The following MYBPC1 variants were observed in gnomAD, a reference collection of about 807,000 sequenced individuals.
MYBPC1 encodes myosin binding protein C1, also known as myosin-binding protein C, slow-type.
A neutral mutation model predicts 147.1 loss-of-function variants in MYBPC1; 52 were observed. The ratio of observed to expected loss-of-function variants is 0.35; its 90% CI spans 0.28 to 0.45. The LOEUF (loss-of-function observed/expected upper bound fraction) is 0.45. Among genes scored for constraint, MYBPC1 ranks in the 20% least tolerant of loss-of-function variants. The probability of loss-of-function intolerance (pLI) is 1.00; values close to 1 mark genes in which losing one functional copy is unlikely to be tolerated. For missense variants in MYBPC1, 1,228 were observed against 1,440.3 expected (o/e 0.85, Z 2.39); for synonymous variants, 477 against 475.9 (o/e 1.00, Z -0.03).
intron 27 of MYBPC1, 45 bp from the exon 28 acceptor site, chr12:101,678,057 G>A: frequency 6.3e-7 from 1 of 1,590,814 alleles, no homozygotes; most frequent in South Asian, 1.1e-5. Context: ...ATATTCTCAG[G>A]CCAATTTACA....
At position 101,644,812 on chromosome 12, in the gene MYBPC1, A is replaced by C; in HGVS notation, c.965+16A>C. Reference sequence around the variant, plus strand: ...CCAGTACCAAGTAAGTGGGCTTTGCAAAAATCAGTGATAGCTCTACAGTAA... The same window carrying C: ...CCAGTACCAAGTAAGTGGGCTTTGCCAAAATCAGTGATAGCTCTACAGTAA... On this transcript the variant is annotated intron_variant, in intron 12 of 31. Transcript: ENST00000361466. 1 of 1,612,112 alleles carries C rather than the reference A, an allele frequency of 6.2e-7. No individual in the cohort carries two copies. The highest frequency in any genetic ancestry group is 8.5e-7 in the Non-Finnish European group (1 of 1,178,374).
intron 30 of MYBPC1, among the ~76,000 whole-genome samples, chr12:101,683,597 T>G (rs1360879541): frequency 6.6e-6 from 1 of 152,138 alleles, no homozygotes; most frequent in African/African-American, 2.4e-5. Context: ...AATTCCAGGC[T>G]CTATTACAAA....
chr12:101,613,676 G>T (rs563299627), intron 1 of MYBPC1, among the ~76,000 whole-genome samples: 1 of 152,160 alleles, frequency 6.6e-6, no homozygotes, highest in Non-Finnish European at 1.5e-5. Context: ...AAGTTTCTTT[G>T]TCAGACTTCA....
intron 1 of MYBPC1, among the ~76,000 whole-genome samples, chr12:101,609,171 GA>G (rs1201416927): frequency 3.3e-5 from 5 of 152,166 alleles, no homozygotes; most frequent in African/African-American, 1.2e-4. Flanking sequence ...TTTGAAAAGG[GA>G]GTGGAACGGG....
chr12:101,652,543 TCTTTC>T, intron 16 of MYBPC1, 130 bp from the exon 17 acceptor site: 3 of 677,128 alleles, frequency 4.4e-6, no homozygotes, highest in East Asian at 2.8e-5. Flanking sequence ...TCTCTCTCTC[TCTTTC>T]TCTCTCTCTC....
At chr12:101,600,069 A>G (rs1208220429) in intron 1 of MYBPC1, among the ~76,000 whole-genome samples, 1 of 152,192 alleles carries the variant, frequency 6.6e-6, no homozygotes, top group Non-Finnish European at 1.5e-5. Flanking sequence ...CTTTGGAAAA[A>G]CAAGTTGTAT....
Position 101,659,709 on chromosome 12 carries a change from C to G in MYBPC1, c.1805C>G (p.Ser602Cys). 3 of 1,614,130 alleles carry G rather than the reference C, an allele frequency of 1.9e-6. No individual in the cohort carries two copies. The highest frequency in any genetic ancestry group is 2.5e-6 in the Non-Finnish European group (3 of 1,180,002). The change falls in exon 19 of 32, where the codon TCT (serine) becomes TGT (cysteine). Residue 602 changes from serine to cysteine, a missense_variant. Physicochemically the swap from Ser to Cys is moderately radical, Grantham distance 112. Coordinates refer to ENST00000361466, the MANE Select transcript of MYBPC1 (RefSeq NM_002465.4). ...GGCAGTGGCCGGATAAGAACAGAAT[C>G]TTACCCTGATAGCAGCACTCTGGTC... ...MEGSGRIRTE[S>C]YPDSSTLVID...
At position 101,685,887 on chromosome 12, in the gene MYBPC1, T is replaced by C. The variant is rs896904636; in HGVS notation, c.*325T>C. ...AAAATCTCATTTGAAGTCAGCACTT[T>C]GGTCATTATTATCTCTGCTCACTGT... On this transcript the variant is annotated 3_prime_UTR_variant, in exon 32 of 32. Coordinates refer to ENST00000361466, the MANE Select transcript of MYBPC1 (RefSeq NM_002465.4). The C allele has an allele frequency of 6.4e-6, 3 of 470,914 alleles. No individual in the cohort carries two copies. Among genetic ancestry groups the C allele is most frequent in the Middle Eastern group, 5.9e-4 (1 of 1,688 alleles). 29.2% of individuals were successfully genotyped at this position (470,914 alleles called of 1,614,324 possible). A position where few individuals can be genotyped will look rare whatever the true frequency, so the allele number is the denominator to read the frequency against.
At chr12:101,662,567 CTT>C in intron 21 of MYBPC1, 21 bp downstream of exon 21, 1 of 1,611,692 alleles carries the variant, frequency 6.2e-7, no homozygotes, top group Non-Finnish European at 8.5e-7. Context: ...AGAGATGAGT[CTT>C]TGTCATCAGA....
In MYBPC1 at chr12:101,652,573, G is replaced by T. The variant is rs553957807; in HGVS notation, c.1527-105G>T. 136 of 774,994 alleles carry T rather than the reference G, an allele frequency of 1.8e-4. 1 individual carries two copies. The South Asian group carries it at 1.8e-3, about 10-fold the overall frequency. 48.0% of individuals were successfully genotyped at this position (774,994 alleles called of 1,614,324 possible). A position where few individuals can be genotyped will look rare whatever the true frequency, so the allele number is the denominator to read the frequency against. On this transcript the variant is annotated intron_variant, in intron 16 of 31. Transcript: ENST00000361466. ...CTCTCTCTCTCTCCCTCTCTTTCCT[G>T]CACTAAAGAAGTTAATCAGATAAAG...
At position 101,616,908 on chromosome 12, in the gene MYBPC1, G is replaced by T. The variant is rs182782543; in HGVS notation, c.62-294G>T. On this transcript the variant is annotated intron_variant, in intron 2 of 31. Coordinates refer to ENST00000361466, the MANE Select transcript of MYBPC1 (RefSeq NM_002465.4). ...GTTTTGCCTAATTCTACTCCAGCAT[G>T]TTATATAACATGATCCAAGTATAGT... 8.3e-3 allele frequency among the ~76,000 whole-genome samples: 1,271 copies of T among 152,290 alleles called. 16 individuals carry two copies. The highest frequency in any genetic ancestry group is 0.029 in the African/African-American group (1,198 of 41,572).
chr12:101,670,453 T>G (rs1330634563), intron 24 of MYBPC1, 44 bp downstream of exon 24: 2 of 1,525,300 alleles, frequency 1.3e-6, no homozygotes, highest in East Asian at 4.5e-5. Context: ...GAGGGCTGGA[T>G]TAGTTTAGGA....
chr12:101,677,345 C>T lies in MYBPC1; in HGVS notation c.3060C>T (p.Leu1020=), dbSNP rs1369983035. 6.2e-7 allele frequency: 1 copy of T among 1,613,986 alleles called. No homozygotes were observed. Among genetic ancestry groups the T allele is most frequent in the Non-Finnish European group, 8.5e-7 (1 of 1,179,988 alleles). The change falls in exon 27 of 32, where the codon CTC becomes CTT. Residue 1020 remains leucine, a synonymous_variant. Transcript: ENST00000361466. ...TCTTTTCTGAAAACATGTGTGGCCTCAGTGAGGATGCCACCATGACTAAAG... is the reference window on the plus strand; with the variant it reads ...TCTTTTCTGAAAACATGTGTGGCCTTAGTGAGGATGCCACCATGACTAAAG... ...FRVFSENMCG[L]SEDATMTKES...
intron 7 of MYBPC1, 150 bp downstream of exon 7, chr12:101,631,869 C>T: frequency 7.4e-7 from 1 of 1,357,302 alleles, no homozygotes; most frequent in East Asian, 2.4e-5. Flanking sequence ...ATTGCGATTG[C>T]CCGGCTGTGT....
intron 4 of MYBPC1, 105 bp from the exon 5 acceptor site, chr12:101,627,664 C>A: frequency 7.7e-7 from 1 of 1,303,882 alleles, no homozygotes; most frequent in Non-Finnish European, 1.1e-6. Context: ...CTTCCTATCA[C>A]CAGAGGAGAC....
intron 14 of MYBPC1, 22 bp from the exon 15 acceptor site, chr12:101,649,238 T>C (rs780794817): frequency 6.2e-7 from 1 of 1,605,348 alleles, no homozygotes; most frequent in South Asian, 1.1e-5. Flanking sequence ...ACAAACCTTT[T>C]TAATATTTTA....
intron 29 of MYBPC1, 111 bp downstream of exon 29, chr12:101,680,640 A>G: frequency 7.7e-7 from 1 of 1,300,136 alleles, no homozygotes; most frequent in Non-Finnish European, 1.1e-6. Context: ...TGCTGCAGCG[A>G]GGGTGGGAGA....
chr12:101,637,687 G>T (rs1891274043), intron 10 of MYBPC1, among the ~76,000 whole-genome samples: 1 of 152,034 alleles, frequency 6.6e-6, no homozygotes, highest in Non-Finnish European at 1.5e-5. Flanking sequence ...AAGACTACAA[G>T]TACAAATATG....
intron 1 of MYBPC1, among the ~76,000 whole-genome samples, chr12:101,602,150 G>C (rs1880293437): frequency 6.6e-6 from 1 of 152,138 alleles, no homozygotes; most frequent in African/African-American, 2.4e-5. Flanking sequence ...GAATAAAACA[G>C]TATCAACTCT....
Sources: gnomAD v4.1 joint callset for allele counts (sites outside exome capture counted in the v4.1 genomes callset) on GRCh38, gnomAD v4.1.1 for gene constraint, MANE v1.5 for transcripts, NCBI Gene and HGNC (gene_info 2026-07-23, HGNC 2026-07-21) for gene names.